MYO3B: variants seen among roughly 807,000 people sequenced by gnomAD.
MYO3B encodes myosin IIIB, also known as myosin-IIIb.
MYO3B carries 156 observed loss-of-function variants against 174.6 expected under a neutral mutation model. The observed-to-expected ratio is 0.89, with a 90% confidence interval of 0.78 to 1.02. The LOEUF (loss-of-function observed/expected upper bound fraction) is 1.02, where lower values mean the gene tolerates loss of function less well. Ranked by LOEUF, MYO3B falls within the 50% of genes least tolerant of loss-of-function variation. The pLI is 0.00. For missense variants in MYO3B, 1,632 were observed against 1,639.4 expected, an observed-to-expected ratio of 1.00 and a Z score of 0.08; for synonymous variants, 563 against 569.1, an observed-to-expected ratio of 0.99 and a Z score of 0.15.
intron 32 of MYO3B, among the ~76,000 whole-genome samples, chr2:170,587,739 A>G (rs1429935878): frequency 3.9e-5 from 6 of 152,244 alleles, no homozygotes; most frequent in African/African-American, 1.4e-4. Context: ...AGTGTAAAAG[A>G]AAGGCCAGAC....
intron 1 of MYO3B, among the ~76,000 whole-genome samples, chr2:170,197,624 A>C (rs1316354039): frequency 6.6e-6 from 1 of 152,106 alleles, no homozygotes; most frequent in Non-Finnish European, 1.5e-5. Context: ...AGTTTTAGGG[A>C]AAGGAGATAC....
intron 8 of MYO3B, among the ~76,000 whole-genome samples, chr2:170,367,443 A>G (rs2094207227): frequency 6.6e-6 from 1 of 152,194 alleles, no homozygotes; most frequent in South Asian, 2.1e-4. Context: ...CTGGACTCCC[A>G]TCCTACCCGT....
At chr2:170,504,647 A>G (rs149805637) in intron 28 of MYO3B, among the ~76,000 whole-genome samples, 1 of 152,164 alleles carries the variant, frequency 6.6e-6, no homozygotes, top group Non-Finnish European at 1.5e-5. Flanking sequence ...CTTTCTCCTC[A>G]TAAGGACTGG....
At chr2:170,267,889 T>C (rs1168813685) in intron 7 of MYO3B, among the ~76,000 whole-genome samples, 1 of 152,092 alleles carries the variant, frequency 6.6e-6, no homozygotes, top group African/African-American at 2.4e-5. Context: ...ACAGAATCCA[T>C]GTTGTAGGGA....
Position 170,583,125 on chromosome 2 carries a change from ATTAT to A in MYO3B, c.3733+39140_3733+39143del, listed in dbSNP as rs1268902300. Among the ~76,000 whole-genome samples the A allele has an allele frequency of 3.1e-5, 4 of 127,700 alleles. No homozygotes were observed. In the Admixed American group the frequency reaches 3.9e-4, roughly 12 times the overall value. 83.8% of individuals were successfully genotyped at this position (127,700 alleles called of 152,430 possible). ...CCTCCCCCTTGACTGAGCTCTGATG[ATTAT>A]TTGAGTGTATTTATGTGTGTAACTA... On this transcript the variant is annotated intron_variant, in intron 32 of 34. Coordinates refer to ENST00000408978, the MANE Select transcript of MYO3B (RefSeq NM_138995.5).
chr2:170,575,949 A>C (rs1288731522), intron 32 of MYO3B, among the ~76,000 whole-genome samples: 1 of 152,170 alleles, frequency 6.6e-6, no homozygotes, highest in African/African-American at 2.4e-5. Flanking sequence ...TGAACAGTCT[A>C]TTCCCTTATT....
chr2:170,294,631 G>C (rs1332192452), intron 7 of MYO3B, among the ~76,000 whole-genome samples: 1 of 152,012 alleles, frequency 6.6e-6, no homozygotes, highest in African/African-American at 2.4e-5. Context: ...TGAGTGGCAA[G>C]GTTCAACATA....
chr2:170,446,935 AATGGT>A (rs1559009845), intron 23 of MYO3B, among the ~76,000 whole-genome samples: 2 of 152,224 alleles, frequency 1.3e-5, no homozygotes, highest in African/African-American at 4.8e-5. Flanking sequence ...GGTATGATTT[AATGGT>A]ATTAAACTGG....
chr2:170,283,055 G>T (rs1261128321), intron 7 of MYO3B, among the ~76,000 whole-genome samples: 14 of 152,204 alleles, frequency 9.2e-5, no homozygotes. Context: ...TGCAGAGGCT[G>T]TTGTACCCTG....
intron 7 of MYO3B, among the ~76,000 whole-genome samples, chr2:170,305,721 T>A (rs1245426510): frequency 6.6e-6 from 1 of 152,140 alleles, no homozygotes; most frequent in East Asian, 1.9e-4. Flanking sequence ...AATGGGCCAG[T>A]TGGGACCATT....
chr2:170,512,603 G>A lies in MYO3B; in HGVS notation c.3371-2318G>A, dbSNP rs141172524. On this transcript the variant is annotated intron_variant, in intron 28 of 34. Coordinates refer to ENST00000408978, the MANE Select transcript of MYO3B (RefSeq NM_138995.5). ...AAACAATGCCTGATCTGTCCTTTGG[G>A]TGGGTCACTAAATGCCAGGCCAGGC... Among the ~76,000 whole-genome samples, 165 of 152,324 alleles carry A rather than the reference G, an allele frequency of 1.1e-3. 1 individual carries two copies. The highest frequency in any genetic ancestry group is 3.8e-3 in the African/African-American group (158 of 41,574).
At chr2:170,216,643 A>T (rs1248067953) in intron 5 of MYO3B, among the ~76,000 whole-genome samples, 1 of 152,218 alleles carries the variant, frequency 6.6e-6, no homozygotes, top group African/African-American at 2.4e-5. Flanking sequence ...TGACAAACAC[A>T]GCTTTCTTGC....
At chr2:170,185,761 C>A (rs1355089290) in intron 1 of MYO3B, among the ~76,000 whole-genome samples, 1 of 152,104 alleles carries the variant, frequency 6.6e-6, no homozygotes, top group East Asian at 1.9e-4. Flanking sequence ...AATATTGCTT[C>A]TTTCAAACTA....
chr2:170,277,135 G>A (rs574253365), intron 7 of MYO3B, among the ~76,000 whole-genome samples: 1 of 152,190 alleles, frequency 6.6e-6, no homozygotes, highest in Non-Finnish European at 1.5e-5. Flanking sequence ...GGAGGCCCCT[G>A]CTCTGTTTGC....
chr2:170,430,356 ATT>A (rs1293969364), intron 22 of MYO3B, among the ~76,000 whole-genome samples: 1 of 144,494 alleles, frequency 6.9e-6, no homozygotes, highest in African/African-American at 2.6e-5. Context: ...TTCCATAAAA[ATT>A]TTTTTTTCTG....
intron 7 of MYO3B, among the ~76,000 whole-genome samples, chr2:170,293,746 G>A (rs1193046148): frequency 6.6e-6 from 1 of 152,088 alleles, no homozygotes; most frequent in African/African-American, 2.4e-5. Flanking sequence ...TCCCCTGATT[G>A]AAAGGAAATT....
At chr2:170,373,251 G>A (rs760715669) in intron 9 of MYO3B, among the ~76,000 whole-genome samples, 1 of 152,184 alleles carries the variant, frequency 6.6e-6, no homozygotes, top group Non-Finnish European at 1.5e-5. Context: ...CTGCCTCCCT[G>A]GCCTGGTTCA....
intron 7 of MYO3B, among the ~76,000 whole-genome samples, chr2:170,314,438 C>T (rs534942775): frequency 6.6e-6 from 1 of 152,316 alleles, no homozygotes; most frequent in East Asian, 1.9e-4. Flanking sequence ...ACTAGGGTGC[C>T]ATGTGCTGGC....
intron 32 of MYO3B, among the ~76,000 whole-genome samples, chr2:170,635,054 C>T (rs1697347477): frequency 1.3e-5 from 2 of 152,170 alleles, no homozygotes; most frequent in African/African-American, 4.8e-5. Context: ...GACAGTGTGG[C>T]GATTCCTCAA....
Sources: gnomAD v4.1 joint callset for allele counts (sites outside exome capture counted in the v4.1 genomes callset) on GRCh38, gnomAD v4.1.1 for gene constraint, MANE v1.5 for transcripts, NCBI Gene and HGNC (gene_info 2026-07-23, HGNC 2026-07-21) for gene names.